Variants in TBC1D21 observed in about 807,000 individuals in gnomAD.
The protein encoded by TBC1D21 is male germ cell Rab GTPase-activating protein.
In TBC1D21, 38 loss-of-function variants were observed where a neutral mutation model predicts 46.0. The ratio of observed to expected loss-of-function variants is 0.83; its 90% CI spans 0.64 to 1.08. TBC1D21 has a LOEUF of 1.08. TBC1D21 is among the 50% of genes least tolerant of loss of function. The probability of loss-of-function intolerance (pLI) is 0.00; values close to 1 mark genes in which losing one functional copy is unlikely to be tolerated. For synonymous variants in TBC1D21, 151 were observed against 157.2 expected (o/e 0.96, Z 0.29); for missense variants, 415 against 417.9 (o/e 0.99, Z 0.06).
At chr15:73,895,997 T>C in the TBC1D21 span, among the ~76,000 whole-genome samples, 1 of 151,720 alleles carries the variant, frequency 6.6e-6, no homozygotes. Flanking sequence ...GGAGAGGTAA[T>C]GGTGGAAGTG....
At chr15:73,893,976 G>A (rs145903664), downstream of TBC1D21, among the ~76,000 whole-genome samples, 8 of 152,286 alleles carry the variant, frequency 5.3e-5, no homozygotes, top group East Asian at 1.9e-4. Context: ...CTAAGCACTC[G>A]CATGCTTTAT....
At chr15:73,908,118 A>G in the TBC1D21 span, 1 of 152,246 alleles carries the variant, frequency 6.6e-6, no homozygotes, top group Non-Finnish European at 1.5e-5. Flanking sequence ...GAGATGAACA[A>G]AATCAGTGTT....
At chr15:73,896,984 G>A in the TBC1D21 span, among the ~76,000 whole-genome samples, 1 of 152,176 alleles carries the variant, frequency 6.6e-6, no homozygotes, top group Admixed American at 6.5e-5. Context: ...CATGATAACT[G>A]GGCTGGGGAG....
At chr15:73,898,592 G>A in the TBC1D21 span, among the ~76,000 whole-genome samples, 8 of 151,968 alleles carry the variant, frequency 5.3e-5, no homozygotes, top group South Asian at 6.2e-4. Context: ...GGCTGGGCAC[G>A]GTGGCTCATG....
downstream of TBC1D21, among the ~76,000 whole-genome samples, chr15:73,890,888 C>G (rs1409096144): frequency 6.6e-6 from 1 of 152,178 alleles, no homozygotes; most frequent in East Asian, 1.9e-4. Context: ...AGCCCCCCTC[C>G]TTGAACCTCA....
In TBC1D21 at chr15:73,880,576, T is replaced by C. The variant is rs1595820238; in HGVS notation, c.61-823T>C. On this transcript the variant is annotated intron_variant, in intron 1 of 10. Coordinates refer to ENST00000300504, the MANE Select transcript of TBC1D21 (RefSeq NM_153356.3). ...ACCTGAGGCCAAGAGATCAAGACCA[T>C]CCTGGCCGACATGGTGAAACCCCCT... Among the ~76,000 whole-genome samples the C allele has an allele frequency of 2.0e-5, 3 of 152,118 alleles. No homozygotes were observed. In the South Asian group the frequency reaches 6.2e-4, roughly 32 times the overall value.
chr15:73,887,886 C>G (rs756772389), intron 9 of TBC1D21, 150 bp downstream of exon 9: 1 of 648,346 alleles, frequency 1.5e-6, no homozygotes, highest in Non-Finnish European at 2.6e-6. Context: ...ATCTAAGGTA[C>G]GGATTACCGT....
chr15:73,873,736 C>A lies in TBC1D21; in HGVS notation c.27C>A (p.Ser9Arg). ...TGACCACCCTCTCTCCTGAAAACAG[C>A]CTCTCTGCCAGACAGTCAGCCTCCT... MTTLSPEN[S>R]LSARQSASFI... Residue 9 changes from serine (S) to arginine (R), a missense_variant, in exon 1 of 11, where the codon AGC becomes AGA. Physicochemically the swap from Ser to Arg is moderately radical, Grantham distance 110. Transcript: ENST00000300504. The A allele has an allele frequency of 6.2e-7, 1 of 1,609,578 alleles. No individual in the cohort carries two copies.
chr15:73,886,984 G>A (rs1351824810), intron 8 of TBC1D21, among the ~76,000 whole-genome samples: 1 of 152,044 alleles, frequency 6.6e-6, no homozygotes, highest in Non-Finnish European at 1.5e-5. Context: ...CTTCCCCAGA[G>A]TGCTGCTCCT....
At chr15:73,885,965 C>G in intron 6 of TBC1D21, 113 bp from the exon 7 acceptor site, 1 of 781,104 alleles carries the variant, frequency 1.3e-6, no homozygotes, top group Non-Finnish European at 2.2e-6. Flanking sequence ...ATGGGCCCAG[C>G]GCACAGACAG....
At chr15:73,905,031 C>T in the TBC1D21 span, among the ~76,000 whole-genome samples, 1 of 152,150 alleles carries the variant, frequency 6.6e-6, no homozygotes, top group African/African-American at 2.4e-5. Flanking sequence ...AAACAAAGAC[C>T]GTAGCAGCAG....
At chr15:73,878,150 C>G (rs1404685823) in intron 1 of TBC1D21, among the ~76,000 whole-genome samples, 1 of 152,228 alleles carries the variant, frequency 6.6e-6, no homozygotes, top group Admixed American at 6.5e-5. Flanking sequence ...GATGAACATG[C>G]TCATCTATGT....
At chr15:73,885,953 A>T (rs1450132310) in intron 6 of TBC1D21, 125 bp from the exon 7 acceptor site, 2 of 706,450 alleles carry the variant, frequency 2.8e-6, no homozygotes, top group African/African-American at 3.5e-5. Context: ...ACTCATAGAG[A>T]CATGGGCCCA....
At chr15:73,893,437 G>C (rs1202902191), downstream of TBC1D21, among the ~76,000 whole-genome samples, 1 of 152,216 alleles carries the variant, frequency 6.6e-6, no homozygotes. Flanking sequence ...GCTTGGATTG[G>C]ATTGGCTGCA....
intron 6 of TBC1D21, 88 bp downstream of exon 6, chr15:73,885,191 C>A: frequency 1.7e-6 from 2 of 1,206,844 alleles, no homozygotes; most frequent in Non-Finnish European, 2.4e-6. Flanking sequence ...AGGCATTGGC[C>A]ACCCCAGCCA....
chr15:73,886,043 G>A (rs755317259), intron 6 of TBC1D21, 35 bp from the exon 7 acceptor site: 6 of 1,600,724 alleles, frequency 3.7e-6, no homozygotes, highest in South Asian at 1.1e-5. Flanking sequence ...TTGAAGCCAA[G>A]GGGGACTCAG....
chr15:73,885,673 A>T (rs560057074), intron 6 of TBC1D21, among the ~76,000 whole-genome samples: 153 of 148,858 alleles, frequency 1.0e-3, no homozygotes, highest in Non-Finnish European at 1.6e-3. Flanking sequence ...CCCTCCCTCC[A>T]CCCCACCATC....
chr15:73,904,673 G>A, the TBC1D21 span, among the ~76,000 whole-genome samples: 21 of 152,232 alleles, frequency 1.4e-4, no homozygotes, highest in Admixed American at 4.6e-4. Context: ...TGGAGCCAGG[G>A]GTCAGAGTGC....
chr15:73,889,156 G>T lies in TBC1D21; in HGVS notation c.*55G>T. 6.3e-7 allele frequency: 1 copy of T among 1,585,372 alleles called. No homozygotes were observed. Among genetic ancestry groups the T allele is most frequent in the South Asian group, 1.1e-5 (1 of 88,396 alleles). The stretch of plus-strand genomic sequence containing the variant: ...CTTCGATGGGCAGGATGAAGGCCAG[G>T]GGCACTGGAGTGAGGGAGTAGATAA... On this transcript the variant is annotated 3_prime_UTR_variant, in exon 11 of 11. Coordinates refer to ENST00000300504, the MANE Select transcript of TBC1D21 (RefSeq NM_153356.3).
Sources: gnomAD v4.1 joint callset for allele counts (sites outside exome capture counted in the v4.1 genomes callset) on GRCh38, gnomAD v4.1.1 for gene constraint, MANE v1.5 for transcripts, NCBI Gene and HGNC (gene_info 2026-07-23, HGNC 2026-07-21) for gene names.